Variants in BMPR1B observed in about 807,000 individuals in gnomAD.
The protein encoded by BMPR1B is bone morphogenetic protein receptor type-1B.
A neutral mutation model predicts 59.1 loss-of-function variants in BMPR1B; 12 were observed. That is an observed-to-expected ratio of 0.20 (90% CI 0.13 to 0.33). BMPR1B has a LOEUF of 0.33. Ranked by LOEUF, BMPR1B falls within the 10% of genes least tolerant of loss-of-function variation. The pLI is 1.00. For missense variants in BMPR1B, 550 were observed against 610.9 expected (o/e 0.90, Z 1.05); for synonymous variants, 237 against 207.3 (o/e 1.14, Z -1.23).
intron 2 of BMPR1B, among the ~76,000 whole-genome samples, chr4:94,907,773 C>T (rs1279969806): frequency 6.6e-6 from 1 of 151,660 alleles, no homozygotes; most frequent in Non-Finnish European, 1.5e-5. Context: ...GAGATGCCAA[C>T]TTGTATACTA....
At chr4:94,867,695 A>G (rs574524502) in intron 1 of BMPR1B, among the ~76,000 whole-genome samples, 4 of 152,282 alleles carry the variant, frequency 2.6e-5, no homozygotes, top group Admixed American at 6.5e-5. Context: ...ACTTTTTACA[A>G]TTTCTGGAGC....
At chr4:95,138,711 C>T (rs1414581372) in intron 10 of BMPR1B, among the ~76,000 whole-genome samples, 1 of 152,208 alleles carries the variant, frequency 6.6e-6, no homozygotes, top group Non-Finnish European at 1.5e-5. Flanking sequence ...ACTACTGAAG[C>T]TTGTGCATGC....
chr4:94,899,139 G>T (rs2148997790), intron 2 of BMPR1B, among the ~76,000 whole-genome samples: 1 of 151,892 alleles, frequency 6.6e-6, no homozygotes, highest in Admixed American at 6.6e-5. Context: ...TTCCTCTCTG[G>T]TCACATTACC....
At position 94,886,245 on chromosome 4, in the gene BMPR1B, CTA is replaced by C. The variant is rs1442285282; in HGVS notation, c.-113+10347_-113+10348del. On this transcript the variant is annotated intron_variant, in intron 2 of 12. Coordinates refer to ENST00000515059, the MANE Select transcript of BMPR1B (RefSeq NM_001203.3). ...AAAGCATTGCTACAGATTAAAAAGA[CTA>C]TTACAATTTGATAAAAGATTAAAAT... Among the ~76,000 whole-genome samples, 7 of 152,228 alleles carry C rather than the reference CTA, an allele frequency of 4.6e-5. No homozygotes were observed. The East Asian group carries it at 7.7e-4, about 17-fold the overall frequency.
intron 2 of BMPR1B, among the ~76,000 whole-genome samples, chr4:94,939,946 C>T (rs1349927815): frequency 6.6e-6 from 1 of 152,148 alleles, no homozygotes; most frequent in Non-Finnish European, 1.5e-5. Flanking sequence ...AGTGCTTTAA[C>T]TTGAATTGTT....
chr4:94,891,653 C>T (rs2148990698), intron 2 of BMPR1B, among the ~76,000 whole-genome samples: 1 of 152,088 alleles, frequency 6.6e-6, no homozygotes, highest in African/African-American at 2.4e-5. Flanking sequence ...TTAGGAAAAA[C>T]TAAACAAAAG....
At chr4:95,066,318 A>G (rs1727796507) in intron 3 of BMPR1B, among the ~76,000 whole-genome samples, 1 of 152,234 alleles carries the variant, frequency 6.6e-6, no homozygotes, top group African/African-American at 2.4e-5. Context: ...TAGACATAAC[A>G]TAAGCATATT....
rs374506836 is a variant in BMPR1B at position 95,135,823 on chromosome 4, C to T, written c.1076+4311C>T. Among the ~76,000 whole-genome samples, 4 of 152,292 alleles carry T rather than the reference C, an allele frequency of 2.6e-5. No homozygotes were observed. In the East Asian group the frequency reaches 7.7e-4, roughly 29 times the overall value. The stretch of plus-strand genomic sequence containing the variant: ...TCATCTGCAAACAGGGACAATTTAA[C>T]TTCCTCTTTTCCTAATTGAATACCC... On this transcript the variant is annotated intron_variant, in intron 10 of 12. Coordinates refer to ENST00000515059, the MANE Select transcript of BMPR1B (RefSeq NM_001203.3).
At chr4:95,132,325 T>C (rs774026764) in intron 10 of BMPR1B, among the ~76,000 whole-genome samples, 2 of 152,174 alleles carry the variant, frequency 1.3e-5, no homozygotes, top group Non-Finnish European at 2.9e-5. Context: ...AGTAAGACTC[T>C]GTAATACATG....
chr4:94,842,686 C>T (rs2148937199), intron 1 of BMPR1B, among the ~76,000 whole-genome samples: 1 of 152,268 alleles, frequency 6.6e-6, no homozygotes, highest in South Asian at 2.1e-4. Flanking sequence ...AAGGCCATTA[C>T]ATTTAGTCTG....
At chr4:94,990,262 G>A (rs897971678) in intron 2 of BMPR1B, among the ~76,000 whole-genome samples, 4 of 152,140 alleles carry the variant, frequency 2.6e-5, no homozygotes, top group Non-Finnish European at 5.9e-5. Flanking sequence ...GGCTGAGGCA[G>A]GAGAATCGCT....
At chr4:95,104,313 C>A (rs1478314819) in intron 3 of BMPR1B, 95 bp from the exon 4 acceptor site, 2 of 1,390,964 alleles carry the variant, frequency 1.4e-6, no homozygotes, top group South Asian at 2.5e-5. Flanking sequence ...ATCTTGAATA[C>A]TTCATTTTAA....
At chr4:95,023,463 C>A (rs1407935378) in intron 3 of BMPR1B, among the ~76,000 whole-genome samples, 1 of 152,092 alleles carries the variant, frequency 6.6e-6, no homozygotes, top group Non-Finnish European at 1.5e-5. Flanking sequence ...GTCACTGCAG[C>A]CTGAAACTCC....
At chr4:94,907,536 C>T (rs1560541434) in intron 2 of BMPR1B, among the ~76,000 whole-genome samples, 1 of 151,940 alleles carries the variant, frequency 6.6e-6, no homozygotes, top group Non-Finnish European at 1.5e-5. Flanking sequence ...TTCTCCATTC[C>T]CCTTTTGCCT....
intron 2 of BMPR1B, among the ~76,000 whole-genome samples, chr4:94,969,044 T>C (rs1299225794): frequency 7.3e-6 from 1 of 137,500 alleles, no homozygotes; most frequent in Non-Finnish European, 1.5e-5. Flanking sequence ...TTTTTTGTTG[T>C]TTTTTTTTTG....
At chr4:94,806,672 A>G (rs918873863) in intron 1 of BMPR1B, among the ~76,000 whole-genome samples, 2 of 152,190 alleles carry the variant, frequency 1.3e-5, no homozygotes, top group Admixed American at 6.6e-5. Flanking sequence ...TCAGTGCTTT[A>G]ATACTCCCTT....
intron 1 of BMPR1B, among the ~76,000 whole-genome samples, chr4:94,778,488 G>C (rs981478312): frequency 6.6e-6 from 1 of 152,066 alleles, no homozygotes; most frequent in Non-Finnish European, 1.5e-5. Flanking sequence ...TTTACTTCCT[G>C]ATAGGGTATT....
At chr4:95,110,684 G>C (rs1025622567) in intron 4 of BMPR1B, among the ~76,000 whole-genome samples, 2 of 152,162 alleles carry the variant, frequency 1.3e-5, no homozygotes, top group African/African-American at 4.8e-5. Flanking sequence ...GGCAGCTTAT[G>C]ATGTCTGTCC....
chr4:95,118,484 A>G (rs1732234766), intron 6 of BMPR1B, among the ~76,000 whole-genome samples: 2 of 152,306 alleles, frequency 1.3e-5, no homozygotes, highest in South Asian at 4.1e-4. Context: ...GTTACAAGCT[A>G]ATTATCGGAG....
Sources: allele counts gnomAD v4.1 joint callset (sites outside exome capture counted in the v4.1 genomes callset), GRCh38; gene constraint gnomAD v4.1.1; transcripts MANE v1.5; gene names NCBI Gene and HGNC (gene_info 2026-07-23, HGNC 2026-07-21).